RIMS1: variants seen among roughly 807,000 people sequenced by gnomAD.
The protein encoded by RIMS1 is regulating synaptic membrane exocytosis 1, also known as regulating synaptic membrane exocytosis protein 1.
Under a neutral mutation model 214.1 loss-of-function variants are expected in RIMS1, and 83 were observed. The ratio of observed to expected loss-of-function variants is 0.39; its 90% CI spans 0.32 to 0.47. The LOEUF (loss-of-function observed/expected upper bound fraction) is 0.47, where lower values mean the gene tolerates loss of function less well. Among genes scored for constraint, RIMS1 ranks in the 20% least tolerant of loss-of-function variants. The probability of loss-of-function intolerance (pLI) is 0.99; values close to 1 mark genes in which losing one functional copy is unlikely to be tolerated. For synonymous variants in RIMS1, 793 were observed against 786.8 expected, an observed-to-expected ratio of 1.01 and a Z score of -0.13; for missense variants, 2,050 against 2,161.8, an observed-to-expected ratio of 0.95 and a Z score of 1.03.
chr6:72,166,827 T>C (rs1314797048), intron 4 of RIMS1, among the ~76,000 whole-genome samples: 1 of 152,214 alleles, frequency 6.6e-6, no homozygotes, highest in Admixed American at 6.5e-5. Flanking sequence ...TTAGTCTCAA[T>C]AGTGTTTTGT....
rs35445598 is a variant in RIMS1, at chr6:72,233,802, G to A, written c.1708G>A (p.Ala570Thr). The A allele has an allele frequency of 6.3e-6, 10 of 1,581,028 alleles. No individual in the cohort carries two copies. Among genetic ancestry groups the A allele is most frequent in the Non-Finnish European group, 8.6e-6 (10 of 1,161,388 alleles). ...TTTGGATTATTACTGGTTGGATCCT[G>A]CCACGTGGCACAGCCGGGAGACATC... ...GDLDYYWLDP[A>T]TWHSRETSPI... is the part of the protein sequence containing the mutation. The change falls in exon 7 of 34, where the codon GCC (alanine) becomes ACC (threonine). Residue 570 changes from alanine to threonine, a missense_variant. This residue lies in a region of RIMS1 where 882 missense variants were observed against 828.9 expected (regional missense o/e 1.06). Transcript: ENST00000521978.
intron 1 of RIMS1, among the ~76,000 whole-genome samples, chr6:71,935,352 G>C (rs1355564789): frequency 1.3e-5 from 2 of 152,112 alleles, no homozygotes; most frequent in Non-Finnish European, 2.9e-5. Context: ...TCAATTAATA[G>C]TATGTCAGAC....
At chr6:72,092,288 C>A (rs1284257729) in intron 2 of RIMS1, among the ~76,000 whole-genome samples, 1 of 133,832 alleles carries the variant, frequency 7.5e-6, no homozygotes, top group Non-Finnish European at 1.7e-5. Context: ...TCCCTCCCTC[C>A]CTCCCTTCCT....
chr6:72,083,184 T>C (rs1485489956), intron 2 of RIMS1, among the ~76,000 whole-genome samples: 6 of 152,224 alleles, frequency 3.9e-5, no homozygotes, highest in Non-Finnish European at 8.8e-5. Context: ...TCTTTCACGT[T>C]AAAATTTTTC....
chr6:71,944,711 G>A (rs1787246595), intron 1 of RIMS1, among the ~76,000 whole-genome samples: 2 of 152,156 alleles, frequency 1.3e-5, no homozygotes, highest in Admixed American at 6.5e-5. Context: ...TGTAACATTG[G>A]TGTGTGGACT....
In RIMS1 at chr6:72,097,014, G is replaced by A; in HGVS notation, c.311G>A (p.Arg104His). The stretch of plus-strand genomic sequence containing the variant: ...AGAAAAATAGGGGAAGAAGCGCGGC[G>A]TTACCAGGGCGAGCACAAAGACGAT... Reference protein sequence around the residue: ...QVRKIGEEARRYQGEHKDDAP... With the variant: ...QVRKIGEEARHYQGEHKDDAP... The change falls in exon 3 of 34, where the codon CGT (arginine) becomes CAT (histidine). Residue 104 changes from arginine to histidine, a missense_variant. Transcript: ENST00000521978. The A allele has an allele frequency of 6.2e-7, 1 of 1,613,924 alleles. No individual in the cohort carries two copies. The highest frequency in any genetic ancestry group is 8.5e-7 in the Non-Finnish European group (1 of 1,179,850).
rs184609328 is a variant in RIMS1 at position 72,194,883 on chromosome 6, G to A, written c.1678+11734G>A. Among the ~76,000 whole-genome samples, 471 of 152,188 alleles carry A rather than the reference G, an allele frequency of 3.1e-3. 7 individuals are homozygous for A. The highest frequency in any genetic ancestry group is 0.01 in the African/African-American group (428 of 41,534). Reference sequence around the variant, plus strand: ...GCTATTGCCAGGTGAGAAAAATTGGGCATCTCTTGTCTTTTAGCTTATAAA... The same window carrying A: ...GCTATTGCCAGGTGAGAAAAATTGGACATCTCTTGTCTTTTAGCTTATAAA... On this transcript the variant is annotated intron_variant, in intron 6 of 33. Coordinates refer to ENST00000521978, the MANE Select transcript of RIMS1 (RefSeq NM_014989.7).
Position 72,398,198 on chromosome 6 carries a change from G to T in RIMS1, c.4619-51G>T, listed in dbSNP as rs566113408. 6.9e-6 allele frequency: 8 copies of T among 1,159,644 alleles called. No homozygotes were observed. In the South Asian group the frequency reaches 9.3e-5, roughly 13 times the overall value. 71.8% of individuals were successfully genotyped at this position (1,159,644 alleles called of 1,614,324 possible). The stretch of plus-strand genomic sequence containing the variant: ...ACGGGCTCTCCTTTTTGTTTTAACT[G>T]CACATAACTGCAAAGAAGCTGAAAC... On this transcript the variant is annotated intron_variant, in intron 31 of 33. Coordinates refer to ENST00000521978, the MANE Select transcript of RIMS1 (RefSeq NM_014989.7).
At chr6:71,974,253 GTGTGTGTA>G (rs1472152428) in intron 2 of RIMS1, among the ~76,000 whole-genome samples, 1 of 152,052 alleles carries the variant, frequency 6.6e-6, no homozygotes, top group Non-Finnish European at 1.5e-5. Context: ...TCACTGCAGT[GTGTGTGTA>G]TGTGTGTATG....
intron 2 of RIMS1, among the ~76,000 whole-genome samples, chr6:72,055,213 C>A (rs947483392): frequency 2.6e-5 from 4 of 152,074 alleles, no homozygotes; most frequent in African/African-American, 9.7e-5. Context: ...CAAGAAATTG[C>A]TTTTTATTTC....
At chr6:72,068,141 G>C (rs904547762) in intron 2 of RIMS1, among the ~76,000 whole-genome samples, 3 of 149,876 alleles carry the variant, frequency 2.0e-5, no homozygotes, top group Non-Finnish European at 3.0e-5. Context: ...ACATCCCACA[G>C]GGCAGGGGAC....
chr6:72,006,115 A>G (rs1294021047), intron 2 of RIMS1, among the ~76,000 whole-genome samples: 1 of 152,086 alleles, frequency 6.6e-6, no homozygotes, highest in Non-Finnish European at 1.5e-5. Flanking sequence ...CAGAGAGCGG[A>G]AGCAAACTCT....
At chr6:72,068,890 G>A (rs1211246010) in intron 2 of RIMS1, among the ~76,000 whole-genome samples, 1 of 147,384 alleles carries the variant, frequency 6.8e-6, no homozygotes, top group Non-Finnish European at 1.5e-5. Flanking sequence ...CAGCCTGGGC[G>A]ACAGAGCAAG....
chr6:72,253,859 G>GTATT lies in RIMS1; in HGVS notation c.2770+1049_2770+1052dup, dbSNP rs551813058. ...TTCCCTATAATTCAGAGAATATATG[G>GTATT]TATTTATTTATTTATTTATTTATTT... On this transcript the variant is annotated intron_variant, in intron 16 of 33. Transcript: ENST00000521978. Among the ~76,000 whole-genome samples, 480 of 151,810 alleles carry GTATT rather than the reference G, an allele frequency of 3.2e-3. 6 individuals are homozygous for GTATT. The highest frequency in any genetic ancestry group is 8.4e-3 in the African/African-American group (349 of 41,428).
At chr6:72,081,814 T>A (rs1833493989) in intron 2 of RIMS1, among the ~76,000 whole-genome samples, 1 of 152,226 alleles carries the variant, frequency 6.6e-6, no homozygotes, top group Non-Finnish European at 1.5e-5. Flanking sequence ...TTCGTGGATA[T>A]AAAAGAACTT....
intron 27 of RIMS1, among the ~76,000 whole-genome samples, chr6:72,308,701 T>G (rs1319733756): frequency 3.9e-5 from 6 of 152,122 alleles, no homozygotes; most frequent in African/African-American, 1.4e-4. Context: ...GGCTTCCAAA[T>G]GAGACAGTGT....
intron 29 of RIMS1, among the ~76,000 whole-genome samples, chr6:72,354,401 T>C (rs1487416305): frequency 1.3e-5 from 2 of 152,144 alleles, no homozygotes; most frequent in Non-Finnish European, 2.9e-5. Context: ...AATTTTTGTA[T>C]GTACATAAAA....
chr6:72,297,087 T>C (rs2154263009), intron 26 of RIMS1, among the ~76,000 whole-genome samples: 1 of 152,118 alleles, frequency 6.6e-6, no homozygotes, highest in East Asian at 1.9e-4. Context: ...ACAATATTTA[T>C]ATTCAGGCAC....
At chr6:72,165,195 T>G (rs1026233086) in intron 4 of RIMS1, among the ~76,000 whole-genome samples, 1 of 152,228 alleles carries the variant, frequency 6.6e-6, no homozygotes, top group South Asian at 2.1e-4. Context: ...TTATTCTAAT[T>G]TGAGTTCACT....
Sources: allele counts gnomAD v4.1 joint callset (sites outside exome capture counted in the v4.1 genomes callset), GRCh38; gene constraint gnomAD v4.1.1; regional missense constraint gnomAD v4.1.1; transcripts MANE v1.5; gene names NCBI Gene and HGNC (gene_info 2026-07-23, HGNC 2026-07-21).